RAB39A: variants seen among roughly 807,000 people sequenced by gnomAD.
RAB39A encodes ras-related protein Rab-39A.
Under a neutral mutation model 20.9 loss-of-function variants are expected in RAB39A, and 17 were observed. That is an observed-to-expected ratio of 0.81 (90% CI 0.56 to 1.22). The LOEUF (loss-of-function observed/expected upper bound fraction) is 1.22, where lower values mean the gene tolerates loss of function less well. Ranked by LOEUF, RAB39A falls within the 50% of genes most tolerant of loss-of-function variation. The pLI is 0.00. For synonymous variants in RAB39A, 99 were observed against 103.4 expected, an observed-to-expected ratio of 0.96 and a Z score of 0.26; for missense variants, 234 against 270.5, an observed-to-expected ratio of 0.87 and a Z score of 0.95.
Position 107,928,505 on chromosome 11 carries a change from A to T in RAB39A, c.-64A>T. 1 of 1,284,740 alleles carries T rather than the reference A, an allele frequency of 7.8e-7. No individual in the cohort carries two copies. The highest frequency in any genetic ancestry group is 1.0e-6 in the Non-Finnish European group (1 of 969,074). 79.6% of individuals were successfully genotyped at this position (1,284,740 alleles called of 1,614,324 possible). ...GGCGCCCGCGAGGTGCTGAAAGGAC[A>T]GTTCCCGCCGCCGAACTTAGCCCGC... On this transcript the variant is annotated 5_prime_UTR_variant, in exon 1 of 2. Transcript: ENST00000320578. The surrounding 1 kb of genome is among the most constrained non-coding windows in gnomAD (Gnocchi z 4.9).
At chr11:107,942,767 C>A (rs1861272600) in intron 1 of RAB39A, among the ~76,000 whole-genome samples, 1 of 152,090 alleles carries the variant, frequency 6.6e-6, no homozygotes. Flanking sequence ...ATGGTTGAAA[C>A]AAGTTTTAAT....
intron 1 of RAB39A, among the ~76,000 whole-genome samples, chr11:107,929,954 G>A (rs1861119893): frequency 6.6e-6 from 1 of 152,178 alleles, no homozygotes; most frequent in African/African-American, 2.4e-5. Flanking sequence ...AGTGTTCCAT[G>A]AGGGGACTTC....
intron 1 of RAB39A, among the ~76,000 whole-genome samples, chr11:107,957,940 G>A (rs918957166): frequency 7.3e-5 from 11 of 151,514 alleles, no homozygotes; most frequent in African/African-American, 2.7e-4. Context: ...CGCCCAGGCT[G>A]GAGTGCAATG....
chr11:107,931,205 G>A (rs1020500573), intron 1 of RAB39A, among the ~76,000 whole-genome samples: 97 of 152,206 alleles, frequency 6.4e-4, no homozygotes, highest in Non-Finnish European at 4.0e-4. Flanking sequence ...TTGAATTCCC[G>A]ACCTCGGGTG....
intron 1 of RAB39A, among the ~76,000 whole-genome samples, chr11:107,929,151 C>A (rs1444734252): frequency 6.6e-6 from 1 of 152,212 alleles, no homozygotes; most frequent in Non-Finnish European, 1.5e-5. Context: ...AACTCGGCTT[C>A]CCTGGCTGCG....
Position 107,928,536 on chromosome 11 carries a change from G to C in RAB39A, c.-33G>C, listed in dbSNP as rs373005278. 9.1e-4 allele frequency: 1,270 copies of C among 1,399,732 alleles called. 4 individuals carry two copies. Among genetic ancestry groups the C allele is most frequent in the Non-Finnish European group, 1.0e-3 (1,068 of 1,056,692 alleles). The allele number at this position is 1,399,732 out of a possible 1,614,324, so 86.7% of individuals were successfully genotyped here. On this transcript the variant is annotated 5_prime_UTR_variant, in exon 1 of 2. Transcript: ENST00000320578. This position sits in a 1 kb window ranked among gnomAD's most constrained non-coding sequence, Gnocchi z 4.9. ...CGCCGCCGAACTTAGCCCGCGGGTG[G>C]GGCGGCCCGGGAGCCAGCGGGGCAC... is the stretch of plus-strand genomic sequence containing the variant.
chr11:107,934,860 C>G (rs1031185939), intron 1 of RAB39A, among the ~76,000 whole-genome samples: 1 of 142,384 alleles, frequency 7.0e-6, no homozygotes, highest in Non-Finnish European at 1.5e-5. Context: ...ACCCAGGAAG[C>G]GGAGGTTGCG....
rs1276894208 is a variant in RAB39A, at chr11:107,953,246, G to T, written c.228-8700G>T. Among the ~76,000 whole-genome samples, 67 of 152,174 alleles carry T rather than the reference G, an allele frequency of 4.4e-4. 1 individual carries two copies. The highest frequency in any genetic ancestry group is 4.4e-5 in the Non-Finnish European group (3 of 68,044). Reference sequence around the variant, plus strand: ...TAAAGCTATGTTGAAAGATATAAGAGATTTGTGAGCTTGTTTTGTACCATT... The same window carrying T: ...TAAAGCTATGTTGAAAGATATAAGATATTTGTGAGCTTGTTTTGTACCATT... On this transcript the variant is annotated intron_variant, in intron 1 of 1. Coordinates refer to ENST00000320578, the MANE Select transcript of RAB39A (RefSeq NM_017516.3).
chr11:107,936,253 A>C (rs1243976471), intron 1 of RAB39A, among the ~76,000 whole-genome samples: 1 of 152,014 alleles, frequency 6.6e-6, no homozygotes, highest in Non-Finnish European at 1.5e-5. Flanking sequence ...AATGCCTCTG[A>C]CATTAGTCCC....
At chr11:107,960,604 T>C (rs1242915964) in intron 1 of RAB39A, among the ~76,000 whole-genome samples, 7 of 152,186 alleles carry the variant, frequency 4.6e-5, no homozygotes, top group Non-Finnish European at 7.3e-5. Flanking sequence ...AAGAGTTTAA[T>C]GAAGTGACTA....
Position 107,928,924 on chromosome 11 carries a change from A to T in RAB39A, c.227+129A>T. On this transcript the variant is annotated intron_variant, in intron 1 of 1. Transcript: ENST00000320578. The surrounding 1 kb of genome is among the most constrained non-coding windows in gnomAD (Gnocchi z 4.9). The stretch of plus-strand genomic sequence containing the variant: ...GCCCTTCCCTCTCGAAAGTGCAAAC[A>T]CTCCATTCTCGCTTCCCCTTTGCCC... 1 of 617,152 alleles carries T rather than the reference A, an allele frequency of 1.6e-6. No individual in the cohort carries two copies. 38.2% of individuals were successfully genotyped at this position (617,152 alleles called of 1,614,324 possible).
Position 107,940,274 on chromosome 11 carries a change from ATT to A in RAB39A, c.227+11488_227+11489del, listed in dbSNP as rs141459294. Among the ~76,000 whole-genome samples, 976 of 149,606 alleles carry A rather than the reference ATT, an allele frequency of 6.5e-3. 9 individuals carry two copies. The highest frequency in any genetic ancestry group is 0.023 in the African/African-American group (930 of 40,768). On this transcript the variant is annotated intron_variant, in intron 1 of 1. Transcript: ENST00000320578. ...TATTTTTATTTTTATTATTATTATT[ATT>A]TTTTTTTTAGATGAGTCACATTCTG...
intron 1 of RAB39A, among the ~76,000 whole-genome samples, chr11:107,941,925 C>G (rs1395063919): frequency 2.0e-5 from 3 of 151,640 alleles, no homozygotes; most frequent in Non-Finnish European, 2.9e-5. Flanking sequence ...ATGGTGAAAC[C>G]CTGTCTCTAC....
intron 1 of RAB39A, among the ~76,000 whole-genome samples, chr11:107,956,715 A>G (rs1861440409): frequency 6.6e-6 from 1 of 152,210 alleles, no homozygotes; most frequent in African/African-American, 2.4e-5. Context: ...GGTTATAATT[A>G]ATTCATAGTG....
At chr11:107,949,317 T>C (rs1861350582) in intron 1 of RAB39A, among the ~76,000 whole-genome samples, 2 of 151,092 alleles carry the variant, frequency 1.3e-5, no homozygotes. Context: ...TAAAAAAAAA[T>C]AGAGAAAAGA....
At chr11:107,929,138 C>A (rs1591238654) in intron 1 of RAB39A, among the ~76,000 whole-genome samples, 1 of 152,308 alleles carries the variant, frequency 6.6e-6, no homozygotes, top group East Asian at 1.9e-4. Context: ...TGCCTTCTTC[C>A]CAAACTCGGC....
At chr11:107,947,830 A>AAG (rs1861334552) in intron 1 of RAB39A, among the ~76,000 whole-genome samples, 1 of 148,290 alleles carries the variant, frequency 6.7e-6, no homozygotes, top group East Asian at 1.9e-4. Flanking sequence ...AAAAAAAAAA[A>AAG]GAATAAAAAT....
rs111888926 is a variant in RAB39A, at chr11:107,931,833, G to A, written c.227+3038G>A. On this transcript the variant is annotated intron_variant, in intron 1 of 1. Transcript: ENST00000320578. ...GGTTAGTGAGTTGGTAATTATGATCGTGATTAGCTTTCGTTTTCTTTCTTT... is the reference window on the plus strand; with the variant it reads ...GGTTAGTGAGTTGGTAATTATGATCATGATTAGCTTTCGTTTTCTTTCTTT... Among the ~76,000 whole-genome samples the A allele has an allele frequency of 6.6e-3, 993 of 150,214 alleles. 11 individuals carry two copies. The highest frequency in any genetic ancestry group is 0.023 in the African/African-American group (937 of 40,920).
chr11:107,944,695 TAATC>T (rs757760598), intron 1 of RAB39A, among the ~76,000 whole-genome samples: 3 of 151,700 alleles, frequency 2.0e-5, no homozygotes, highest in Non-Finnish European at 4.4e-5. Context: ...AGAAAGAAAA[TAATC>T]AAACAATTGC....
Sources: gnomAD v4.1 joint callset for allele counts (sites outside exome capture counted in the v4.1 genomes callset) on GRCh38, gnomAD v4.1.1 for gene constraint, Gnocchi (gnomAD v3.1) non-coding constraint, MANE v1.5 for transcripts, NCBI Gene and HGNC (gene_info 2026-07-23, HGNC 2026-07-21) for gene names.